The following PTCH1 variants were observed in gnomAD, a reference collection of about 807,000 sequenced individuals.
The protein encoded by PTCH1 is protein patched homolog 1.
A neutral mutation model predicts 144.6 loss-of-function variants in PTCH1; 14 were observed. That is an observed-to-expected ratio of 0.10 (90% CI 0.06 to 0.15). PTCH1 has a LOEUF of 0.15. Among genes scored for constraint, PTCH1 ranks in the 10% least tolerant of loss-of-function variants. The pLI, the probability that PTCH1 is intolerant of heterozygous loss-of-function variation, is 1.00. For synonymous variants in PTCH1, 833 were observed against 793.6 expected, an observed-to-expected ratio of 1.05 and a Z score of -0.83; for missense variants, 1,623 against 1,948.3, an observed-to-expected ratio of 0.83 and a Z score of 3.14.
At chr9:95,505,010 C>T (rs950706973) in intron 2 of PTCH1, among the ~76,000 whole-genome samples, 1 of 152,096 alleles carries the variant, frequency 6.6e-6, no homozygotes, top group African/African-American at 2.4e-5. Context: ...GTAAATTACT[C>T]CATGGATTCA....
rs765355278 is a variant in PTCH1, at chr9:95,453,465, C to T, written c.3449+13G>A. 6.2e-7 allele frequency: 1 copy of T among 1,613,914 alleles called. No individual in the cohort carries two copies. The highest frequency in any genetic ancestry group is 8.5e-7 in the Non-Finnish European group (1 of 1,180,022). On this transcript the variant is annotated intron_variant, in intron 20 of 23. Transcript: ENST00000331920. ...GATTTCTAAAACATGTCTCCTTGCA[C>T]ACGCCTGCTTACCTGACAATGAAGT...
At chr9:95,507,208 G>C (rs144831338) in intron 1 of PTCH1, 14,275 of 985,546 alleles carry the variant, frequency 0.014, 130 homozygotes, top group Middle Eastern at 0.049. Flanking sequence ...TTAGGAAGTG[G>C]GGCAGCCAGC....
chr9:95,484,093 A>C (rs758226117), intron 3 of PTCH1: 21 of 152,346 alleles, frequency 1.4e-4, no homozygotes, highest in Middle Eastern at 3.4e-3. Flanking sequence ...TCTCAGCTTA[A>C]GAGTGTAATT....
chr9:95,453,008 C>G (rs1176691646), intron 20 of PTCH1: 3 of 278,560 alleles, frequency 1.1e-5, no homozygotes, highest in African/African-American at 6.6e-5. Context: ...TAGAAGAGAG[C>G]TTGTCTTTAT....
At chr9:95,491,552 C>T (rs1250623220) in intron 2 of PTCH1, among the ~76,000 whole-genome samples, 1 of 152,174 alleles carries the variant, frequency 6.6e-6, no homozygotes, top group East Asian at 1.9e-4. Context: ...GGGGAGGGGG[C>T]ATAGCTGCAG....
At chr9:95,448,450 C>T (rs1189832905) in intron 22 of PTCH1, among the ~76,000 whole-genome samples, 2 of 152,124 alleles carry the variant, frequency 1.3e-5, no homozygotes, top group Non-Finnish European at 2.9e-5. Flanking sequence ...TCCTTGGAGC[C>T]TCCGAGGAGG....
At chr9:95,475,714 G>A (rs1188205825) in intron 12 of PTCH1, among the ~76,000 whole-genome samples, 4 of 152,120 alleles carry the variant, frequency 2.6e-5, no homozygotes, top group East Asian at 1.9e-4. Context: ...TGGCTGCAGC[G>A]CTGGTGACCC....
chr9:95,447,205 T>C lies in PTCH1; in HGVS notation c.4051A>G (p.Asn1351Asp), dbSNP rs786204103. Reference protein sequence around the residue: ...PRGARSHNPRNPASTAMGSSV... With the variant: ...PRGARSHNPRDPASTAMGSSV... Reference sequence around the variant, plus strand: ...CTGCCCATGGCAGTGGACGCTGGGTTCCGAGGGTTGTGAGAACGGGCCCCG... The same window carrying C: ...CTGCCCATGGCAGTGGACGCTGGGTCCCGAGGGTTGTGAGAACGGGCCCCG... The change falls in exon 23 of 24, where the codon AAC becomes GAC. Residue 1351 changes from asparagine (N) to aspartate (D), a missense_variant. Physicochemically the swap from Asn to Asp is conservative, Grantham distance 23. Coordinates refer to ENST00000331920, the MANE Select transcript of PTCH1 (RefSeq NM_000264.5). 8.1e-6 allele frequency: 13 copies of C among 1,612,964 alleles called. No individual in the cohort carries two copies. The highest frequency in any genetic ancestry group is 1.3e-5 in the African/African-American group (1 of 75,062).
chr9:95,500,102 C>T (rs796667915), intron 2 of PTCH1, among the ~76,000 whole-genome samples: 5 of 152,290 alleles, frequency 3.3e-5, no homozygotes, highest in East Asian at 1.9e-4. Context: ...GCATTAATCT[C>T]GGCATCAGCT....
intron 17 of PTCH1, 101 bp downstream of exon 17, chr9:95,459,499 A>G: frequency 2.1e-6 from 3 of 1,413,834 alleles, no homozygotes; most frequent in Non-Finnish European, 3.0e-6. Flanking sequence ...TACACTTCTG[A>G]ACCCTGGGTA....
chr9:95,482,229 A>G, intron 3 of PTCH1, 26 bp from the exon 4 acceptor site: 1 of 1,605,862 alleles, frequency 6.2e-7, no homozygotes, highest in Non-Finnish European at 8.5e-7. Context: ...GCAGAGACAA[A>G]AATTTCTCAC....
intron 20 of PTCH1, chr9:95,452,236 CTCA>C (rs1303953967): frequency 2.0e-5 from 3 of 152,186 alleles, no homozygotes; most frequent in Non-Finnish European, 4.4e-5. Flanking sequence ...AACCAATGGA[CTCA>C]TCTCTTTCCC....
intron 20 of PTCH1, 122 bp from the exon 21 acceptor site, chr9:95,450,062 G>A (rs1337795833): frequency 4.6e-6 from 4 of 878,714 alleles, no homozygotes; most frequent in South Asian, 2.8e-5. Context: ...CACTGAAAAG[G>A]CTGTTATCCA....
At chr9:95,511,140 G>C (rs1391417080), upstream of PTCH1, among the ~76,000 whole-genome samples, 1 of 149,770 alleles carries the variant, frequency 6.7e-6, no homozygotes, top group Non-Finnish European at 1.5e-5. Flanking sequence ...TGGCTGCCCG[G>C]GCGCGCTGGG....
In PTCH1 at chr9:95,467,164, T is replaced by C. The variant is rs1185902807; in HGVS notation, c.2512A>G (p.Lys838Glu). 1 of 1,614,236 alleles carries C rather than the reference T, an allele frequency of 6.2e-7. No homozygotes were observed. The highest frequency in any genetic ancestry group is 8.5e-7 in the Non-Finnish European group (1 of 1,180,038). Residue 838 changes from lysine to glutamate, a missense_variant, in exon 15 of 24, where the codon AAA (lysine) becomes GAA (glutamate). By Grantham distance (56) the Lys-to-Glu change is moderately conservative. Transcript: ENST00000331920. ...TGCAGCCACATTTTGGGAAGCTGTT[T>C]GTTTTCTTCCAACATGACATACTTC... ...NVKYVMLEEN[K>E]QLPKMWLHYF...
intron 3 of PTCH1, 37 bp downstream of exon 3, chr9:95,485,648 C>T (rs1180012222): frequency 3.1e-6 from 5 of 1,613,080 alleles, no homozygotes; most frequent in Non-Finnish European, 4.2e-6. Flanking sequence ...ACCGCCTTAC[C>T]TGCTGCTCAT....
At chr9:95,511,158 G>GCGGGGCGCGCCGGCCAC (rs1844135619), upstream of PTCH1, among the ~76,000 whole-genome samples, 1 of 149,932 alleles carries the variant, frequency 6.7e-6, no homozygotes, top group African/African-American at 2.4e-5. Context: ...GGGGGCTGCG[G>GCGGGGCGCGCCGGCCAC]CGGGGCGCGC....
chr9:95,505,280 A>G (rs1371891086), intron 2 of PTCH1, among the ~76,000 whole-genome samples: 1 of 152,118 alleles, frequency 6.6e-6, no homozygotes, highest in Admixed American at 6.5e-5. Flanking sequence ...TGCTGTCCGG[A>G]GGAATGCTCC....
Position 95,449,014 on chromosome 9 carries a change from A to C in PTCH1, c.3804+55T>G, listed in dbSNP as rs1175481448. On this transcript the variant is annotated intron_variant, in intron 22 of 23. Coordinates refer to ENST00000331920, the MANE Select transcript of PTCH1 (RefSeq NM_000264.5). The surrounding 1 kb of genome is among the most constrained non-coding windows in gnomAD (Gnocchi z 5.3). ...AGACAGGAGCCCCCGCTGGACCTCCAGGCCCACTACCACGGTGGGAAGACC... is the reference window on the plus strand; with the variant it reads ...AGACAGGAGCCCCCGCTGGACCTCCCGGCCCACTACCACGGTGGGAAGACC... 12 of 1,609,474 alleles carry C rather than the reference A, an allele frequency of 7.5e-6. No homozygotes were observed. The highest frequency in any genetic ancestry group is 1.3e-5 in the African/African-American group (1 of 74,864).
Sources: allele counts gnomAD v4.1 joint callset (sites outside exome capture counted in the v4.1 genomes callset), GRCh38; gene constraint gnomAD v4.1.1; non-coding constraint Gnocchi (gnomAD v3.1); transcripts MANE v1.5; gene names NCBI Gene and HGNC (gene_info 2026-07-23, HGNC 2026-07-21).